The following CAPZA1 variants were observed in gnomAD, a reference collection of about 807,000 sequenced individuals.
CAPZA1 encodes capping actin protein of muscle Z-line subunit alpha 1.
Under a neutral mutation model 40.8 loss-of-function variants are expected in CAPZA1, and 10 were observed. That is an observed-to-expected ratio of 0.25 (90% confidence interval 0.15 to 0.42). The LOEUF is 0.42. Ranked by LOEUF, CAPZA1 falls within the 10% of genes least tolerant of loss-of-function variation. The pLI is 1.00. For missense variants in CAPZA1, 277 were observed against 353.8 expected (o/e 0.78, Z 1.74); for synonymous variants, 98 against 115.0 (o/e 0.85, Z 0.95).
chr1:112,635,844 C>T (rs1168104271), intron 1 of CAPZA1, among the ~76,000 whole-genome samples: 5 of 152,102 alleles, frequency 3.3e-5, no homozygotes, highest in African/African-American at 7.2e-5. Flanking sequence ...AGCCTGGTCA[C>T]ACGGTGAAAC....
intron 1 of CAPZA1, among the ~76,000 whole-genome samples, chr1:112,625,682 A>C (rs955399202): frequency 6.6e-6 from 1 of 152,178 alleles, no homozygotes; most frequent in Non-Finnish European, 1.5e-5. Context: ...TTGACCCAGA[A>C]ACATTGTGTT....
intron 3 of CAPZA1, among the ~76,000 whole-genome samples, chr1:112,651,198 A>G (rs1379010129): frequency 1.3e-5 from 2 of 152,236 alleles, no homozygotes; most frequent in East Asian, 1.9e-4. Context: ...CACCAGAACC[A>G]TCCCCAGATA....
chr1:112,648,347 C>CTTTTTTTTTTTTTTTTTTTTTT (rs35670246), intron 2 of CAPZA1, among the ~76,000 whole-genome samples: 1 of 99,386 alleles, frequency 1.0e-5, no homozygotes, highest in South Asian at 3.4e-4. Flanking sequence ...TTGAATTTTT[C>CTTTTTTTTTTTTTTTTTTTTTT]TTTTTTTTTT....
intron 2 of CAPZA1, among the ~76,000 whole-genome samples, chr1:112,648,939 G>A (rs3125043): frequency 2.6e-5 from 4 of 151,396 alleles, no homozygotes; most frequent in African/African-American, 4.8e-5. Flanking sequence ...CTCCAGCCTA[G>A]GCGACAGGAG....
intron 1 of CAPZA1, among the ~76,000 whole-genome samples, chr1:112,622,283 T>C (rs1384627506): frequency 6.6e-6 from 1 of 152,210 alleles, no homozygotes; most frequent in Admixed American, 6.5e-5. Context: ...GTTTTTTTAA[T>C]CACTTTATAA....
At chr1:112,667,614 G>C (rs1557739165) in intron 8 of CAPZA1, among the ~76,000 whole-genome samples, 2 of 152,156 alleles carry the variant, frequency 1.3e-5, no homozygotes, top group Admixed American at 6.5e-5. Context: ...GCTCACTGCA[G>C]CCTTGAGCTC....
intron 1 of CAPZA1, among the ~76,000 whole-genome samples, chr1:112,624,605 CA>C (rs34860716): frequency 0.19 from 10,719 of 55,412 alleles, 325 homozygotes; most frequent in East Asian, 0.37. Flanking sequence ...AAAACTCCAT[CA>C]AAAAAAAAAA....
At chr1:112,661,628 T>C (rs1484182427) in intron 7 of CAPZA1, among the ~76,000 whole-genome samples, 2 of 152,256 alleles carry the variant, frequency 1.3e-5, no homozygotes, top group African/African-American at 4.8e-5. Flanking sequence ...AACTGTGGCA[T>C]TAGCATTAAC....
At chr1:112,636,027 T>TCAAAAAAAA (rs1671009848) in intron 1 of CAPZA1, among the ~76,000 whole-genome samples, 1 of 152,150 alleles carries the variant, frequency 6.6e-6, no homozygotes, top group African/African-American at 2.4e-5. Context: ...AGACTCTTTC[T>TCAAAAAAAA]AGAAAAAAAT....
intron 5 of CAPZA1, among the ~76,000 whole-genome samples, chr1:112,655,370 A>G (rs1044963712): frequency 6.6e-6 from 1 of 152,120 alleles, no homozygotes; most frequent in Non-Finnish European, 1.5e-5. Flanking sequence ...TCAGCTACTC[A>G]GGAGGCTGAG....
chr1:112,651,996 C>A (rs952738160), intron 3 of CAPZA1, among the ~76,000 whole-genome samples: 35 of 151,996 alleles, frequency 2.3e-4, no homozygotes, highest in African/African-American at 8.2e-4. Context: ...TGGTGCGCAT[C>A]TGTAATCCCA....
intron 1 of CAPZA1, among the ~76,000 whole-genome samples, chr1:112,638,965 T>G (rs12137161): frequency 0.021 from 3,101 of 148,724 alleles, 62 homozygotes; most frequent in Non-Finnish European, 0.034. Context: ...GAGATATATA[T>G]AGAGAGAGAA....
At chr1:112,662,508 C>T (rs1208644325) in intron 7 of CAPZA1, among the ~76,000 whole-genome samples, 2 of 147,100 alleles carry the variant, frequency 1.4e-5, no homozygotes, top group Non-Finnish European at 3.0e-5. Flanking sequence ...ATGCCATTCT[C>T]CTGCCTCAGC....
intron 4 of CAPZA1, among the ~76,000 whole-genome samples, 191 bp from the exon 5 acceptor site, chr1:112,654,274 G>T (rs3790598): frequency 1.1e-4 from 16 of 152,162 alleles, no homozygotes; most frequent in Middle Eastern, 3.4e-3. Context: ...GGGATATTTT[G>T]TAGTTTAAAG....
chr1:112,654,492 G>A lies in CAPZA1; in HGVS notation c.247G>A (p.Gly83Ser). ...CTTAATTACAGAGCACGGTGACCTGGGTAATAGCAGATTTTTAGATCCAAG... is the reference window on the plus strand; with the variant it reads ...CTTAATTACAGAGCACGGTGACCTGAGTAATAGCAGATTTTTAGATCCAAG... ...QVLITEHGDLGNSRFLDPRNK... is the reference protein window; with the variant it reads ...QVLITEHGDLSNSRFLDPRNK... The change falls in exon 5 of 10, where the codon GGT becomes AGT. Residue 83 changes from glycine (G) to serine (S), a missense_variant. Around this residue, in one of 2 missense-constraint regions of CAPZA1, gnomAD observed 192 missense variants for 277.2 expected, o/e 0.69. Coordinates refer to ENST00000263168, the MANE Select transcript of CAPZA1 (RefSeq NM_006135.3). 1 of 1,613,576 alleles carries A rather than the reference G, an allele frequency of 6.2e-7. No homozygotes were observed. Among genetic ancestry groups the A allele is most frequent in the Non-Finnish European group, 8.5e-7 (1 of 1,179,694 alleles).
At chr1:112,649,615 G>A (rs1671346483) in intron 3 of CAPZA1, 146 bp downstream of exon 3, 2 of 660,576 alleles carry the variant, frequency 3.0e-6, no homozygotes, top group Non-Finnish European at 5.3e-6. Context: ...TTTTTTAATT[G>A]GAGAAAACAT....
At chr1:112,656,815 TC>T (rs1324128541) in intron 5 of CAPZA1, among the ~76,000 whole-genome samples, 1 of 152,122 alleles carries the variant, frequency 6.6e-6, no homozygotes, top group Non-Finnish European at 1.5e-5. Flanking sequence ...TATCACATTT[TC>T]TACATAGTAT....
chr1:112,629,935 C>T (rs1670888513), intron 1 of CAPZA1, among the ~76,000 whole-genome samples: 1 of 152,210 alleles, frequency 6.6e-6, no homozygotes, highest in Non-Finnish European at 1.5e-5. Flanking sequence ...TAGTTGTCCT[C>T]CACCAACCCA....
chr1:112,624,019 AAG>A lies in CAPZA1; in HGVS notation c.39+4138_39+4139del, dbSNP rs1491081974. On this transcript the variant is annotated intron_variant, in intron 1 of 9. Coordinates refer to ENST00000263168, the MANE Select transcript of CAPZA1 (RefSeq NM_006135.3). Reference sequence around the variant, plus strand: ...AGACTCCATCTCAAAAAAAAAAAAAAAGAAAAAAGAAAAGAAAAAGAAATCCT... The same window carrying A: ...AGACTCCATCTCAAAAAAAAAAAAAAAAAAAAGAAAAGAAAAAGAAATCCT... Among the ~76,000 whole-genome samples, 14 of 143,918 alleles carry A rather than the reference AAG, an allele frequency of 9.7e-5. 3 individuals carry two copies. The highest frequency in any genetic ancestry group is 2.3e-4 in the African/African-American group (9 of 38,668). The allele number at this position is 143,918 out of a possible 152,430, so 94.4% of individuals were successfully genotyped here. A position where few individuals can be genotyped will look rare whatever the true frequency, so the allele number is the denominator to read the frequency against.
Sources: allele counts gnomAD v4.1 joint callset (sites outside exome capture counted in the v4.1 genomes callset), GRCh38; gene constraint gnomAD v4.1.1; regional missense constraint gnomAD v4.1.1; transcripts MANE v1.5; gene names NCBI Gene and HGNC (gene_info 2026-07-23, HGNC 2026-07-21).